Variants in ARHGEF10L observed in about 807,000 individuals in gnomAD.
ARHGEF10L encodes Rho guanine nucleotide exchange factor 10 like, also known as rho guanine nucleotide exchange factor 10-like protein.
A neutral mutation model predicts 141.2 loss-of-function variants in ARHGEF10L; 69 were observed. The ratio of observed to expected loss-of-function variants is 0.49; its 90% CI spans 0.40 to 0.60. The LOEUF (loss-of-function observed/expected upper bound fraction) is 0.60, where lower values mean the gene tolerates loss of function less well. Ranked by LOEUF, ARHGEF10L falls within the 20% of genes least tolerant of loss-of-function variation. The pLI, the probability that ARHGEF10L is intolerant of heterozygous loss-of-function variation, is 0.00. For missense variants in ARHGEF10L, 1,482 were observed against 1,734.3 expected, an observed-to-expected ratio of 0.85 and a Z score of 2.58; for synonymous variants, 711 against 718.5, an observed-to-expected ratio of 0.99 and a Z score of 0.17.
intron 18 of ARHGEF10L, among the ~76,000 whole-genome samples, chr1:17,635,232 C>G (rs543323250): frequency 7.9e-5 from 12 of 152,296 alleles, no homozygotes; most frequent in African/African-American, 2.9e-4. Context: ...ATCTCCCAAT[C>G]CACACACTTT....
rs971818189 is a variant in ARHGEF10L, at chr1:17,608,507, C to T, written c.609+530C>T. Among the ~76,000 whole-genome samples, 8 of 152,236 alleles carry T rather than the reference C, an allele frequency of 5.3e-5. 1 individual carries two copies. The South Asian group carries it at 6.2e-4, about 12-fold the overall frequency. On this transcript the variant is annotated intron_variant, in intron 7 of 28. Coordinates refer to ENST00000361221, the MANE Select transcript of ARHGEF10L (RefSeq NM_018125.4). ...GAAGCCTTCTCTCCAGGGCCTCACA[C>T]GGTGCCATCCATGCATTCAGCTTTC...
intron 27 of ARHGEF10L, among the ~76,000 whole-genome samples, chr1:17,690,514 C>T (rs1465464984): frequency 6.6e-6 from 1 of 152,254 alleles, no homozygotes; most frequent in African/African-American, 2.4e-5. Flanking sequence ...CTCCTAAGAC[C>T]CTCCAGGTCA....
Position 17,627,572 on chromosome 1 carries a change from G to A in ARHGEF10L, c.1584+69G>A. ...CACCTGTGCTCCTGCCCGTGCCCCTGCCCCACGCCACCCACACTAGGTGGC... is the reference window on the plus strand; with the variant it reads ...CACCTGTGCTCCTGCCCGTGCCCCTACCCCACGCCACCCACACTAGGTGGC... On this transcript the variant is annotated intron_variant, in intron 15 of 28. Transcript: ENST00000361221. This position sits in a 1 kb window ranked among gnomAD's most constrained non-coding sequence, Gnocchi z 4.0. 3.9e-6 allele frequency: 6 copies of A among 1,542,512 alleles called. No individual in the cohort carries two copies. Among genetic ancestry groups the A allele is most frequent in the Non-Finnish European group, 5.3e-6 (6 of 1,140,076 alleles).
chr1:17,519,159 G>C, the ARHGEF10L span, among the ~76,000 whole-genome samples: 1 of 151,592 alleles, frequency 6.6e-6, no homozygotes, highest in African/African-American at 2.4e-5. Context: ...TGGGCAACAA[G>C]AGTGAAACTC....
intron 21 of ARHGEF10L, among the ~76,000 whole-genome samples, chr1:17,646,256 A>G (rs2061592898): frequency 6.6e-6 from 1 of 152,196 alleles, no homozygotes; most frequent in South Asian, 2.1e-4. Context: ...TCTCTCGGGC[A>G]GTGACGGCAT....
chr1:17,669,277 A>T (rs1015371961), intron 26 of ARHGEF10L, among the ~76,000 whole-genome samples: 2 of 152,190 alleles, frequency 1.3e-5, no homozygotes, highest in African/African-American at 4.8e-5. Flanking sequence ...GTGAAAACAC[A>T]GGGGCTTAAT....
intron 18 of ARHGEF10L, among the ~76,000 whole-genome samples, chr1:17,636,547 G>T (rs1360334798): frequency 6.6e-6 from 1 of 152,144 alleles, no homozygotes; most frequent in Non-Finnish European, 1.5e-5. Context: ...AGGTTCCTCT[G>T]CGCTTTCGTG....
Position 17,619,261 on chromosome 1 carries a change from G to T in ARHGEF10L, c.836-78G>T. On this transcript the variant is annotated intron_variant, in intron 9 of 28. Transcript: ENST00000361221. This position sits in a 1 kb window ranked among gnomAD's most constrained non-coding sequence, Gnocchi z 5.0. ...ACCTGGGTCCAAGGCTGGTCTAGGGGGGCTCTCAGCTCCTGAGGCCTGAGC... is the reference window on the plus strand; with the variant it reads ...ACCTGGGTCCAAGGCTGGTCTAGGGTGGCTCTCAGCTCCTGAGGCCTGAGC... 1.4e-6 allele frequency: 2 copies of T among 1,415,830 alleles called. No individual in the cohort carries two copies. Among genetic ancestry groups the T allele is most frequent in the Non-Finnish European group, 2.0e-6 (2 of 1,018,456 alleles). 87.7% of individuals were successfully genotyped at this position (1,415,830 alleles called of 1,614,324 possible).
Position 17,544,722 on chromosome 1 carries a change from TTTTTCATACTGCTA to T in ARHGEF10L, c.-44+4788_-44+4801del, listed in dbSNP as rs1224014845. Reference sequence around the variant, plus strand: ...TGTGCGTTGGGGAGTGTATTAGTTCTTTTTCATACTGCTATTTTCATACTGCTATGAAGAAATAC... The same window carrying T: ...TGTGCGTTGGGGAGTGTATTAGTTCTTTTTCATACTGCTATGAAGAAATAC... On this transcript the variant is annotated intron_variant, in intron 1 of 28. Coordinates refer to ENST00000361221, the MANE Select transcript of ARHGEF10L (RefSeq NM_018125.4). 3.9e-5 allele frequency among the ~76,000 whole-genome samples: 6 copies of T among 152,314 alleles called. No individual in the cohort carries two copies. In the East Asian group the frequency reaches 7.7e-4, roughly 20 times the overall value.
chr1:17,597,473 C>T (rs1308044101), intron 4 of ARHGEF10L, among the ~76,000 whole-genome samples: 2 of 152,138 alleles, frequency 1.3e-5, no homozygotes, highest in Non-Finnish European at 2.9e-5. Flanking sequence ...TCATTTCTTG[C>T]CGTGCCCTCT....
rs375888992 is a variant in ARHGEF10L, at chr1:17,623,041, G to A, written c.1066G>A (p.Ala356Thr). The change falls in exon 12 of 29, where the codon GCC (alanine) becomes ACC (threonine). Residue 356 changes from alanine to threonine, a missense_variant. Ala to Thr is a moderately conservative substitution (Grantham distance 58). Coordinates refer to ENST00000361221, the MANE Select transcript of ARHGEF10L (RefSeq NM_018125.4). This position sits in a 1 kb window ranked among gnomAD's most constrained non-coding sequence, Gnocchi z 4.7. The stretch of plus-strand genomic sequence containing the variant: ...GGAGATGGAGCCCAAGGCGCTGAGC[G>A]CCCGCAAGTGCCAGGTGGTGTTCTT... ...LMEMEPKALS[A>T]RKCQVVFFRV... 15 of 1,613,964 alleles carry A rather than the reference G, an allele frequency of 9.3e-6. No individual in the cohort carries two copies. The highest frequency in any genetic ancestry group is 1.3e-5 in the African/African-American group (1 of 74,934).
intron 1 of ARHGEF10L, among the ~76,000 whole-genome samples, chr1:17,575,065 A>G (rs1445116984): frequency 6.6e-6 from 1 of 152,160 alleles, no homozygotes; most frequent in African/African-American, 2.4e-5. Context: ...GGTGGGTCCC[A>G]AGCAGGGGAA....
At chr1:17,528,602 C>T in the ARHGEF10L span, among the ~76,000 whole-genome samples, 1 of 151,980 alleles carries the variant, frequency 6.6e-6, no homozygotes, top group Non-Finnish European at 1.5e-5. Context: ...TTGTCCACCA[C>T]CCATAATTTT....
At position 17,654,659 on chromosome 1, in the gene ARHGEF10L, T is replaced by C; in HGVS notation, c.2418T>C (p.Pro806=). 6.2e-7 allele frequency: 1 copy of C among 1,614,210 alleles called. No homozygotes were observed. The highest frequency in any genetic ancestry group is 1.3e-5 in the African/African-American group (1 of 75,054). Residue 806 remains proline (P), a synonymous_variant, in exon 23 of 29, where the codon CCT becomes CCC. Transcript: ENST00000361221. This position sits in a 1 kb window ranked among gnomAD's most constrained non-coding sequence, Gnocchi z 4.3. The stretch of plus-strand genomic sequence containing the variant: ...AGCTTGGGGCCCTGGTCCACAGTCC[T>C]GTCAACTGTCCCCTGCTGGGTTTCT... ...SLQLGALVHS[P]VNCPLLGFSA...
At chr1:17,660,624 C>T (rs773362519) in intron 25 of ARHGEF10L, among the ~76,000 whole-genome samples, 3 of 152,314 alleles carry the variant, frequency 2.0e-5, no homozygotes, top group Admixed American at 6.5e-5. Context: ...AGCCCAATCT[C>T]GACCCCTGAG....
chr1:17,665,777 C>T (rs1400566948), intron 26 of ARHGEF10L, among the ~76,000 whole-genome samples: 2 of 152,114 alleles, frequency 1.3e-5, no homozygotes, highest in Non-Finnish European at 2.9e-5. Flanking sequence ...TGTATACACA[C>T]GTATATAGAA....
intron 26 of ARHGEF10L, among the ~76,000 whole-genome samples, chr1:17,665,019 C>G (rs1282509364): frequency 6.6e-6 from 1 of 152,176 alleles, no homozygotes; most frequent in African/African-American, 2.4e-5. Flanking sequence ...CTGCCTTGCC[C>G]TGGTTCCAGC....
At chr1:17,563,516 T>A (rs1273456836) in intron 1 of ARHGEF10L, among the ~76,000 whole-genome samples, 1 of 152,210 alleles carries the variant, frequency 6.6e-6, no homozygotes, top group Non-Finnish European at 1.5e-5. Context: ...GTTACAGGCA[T>A]GAGCCACTGT....
At chr1:17,582,140 G>C (rs1012624323) in intron 2 of ARHGEF10L, among the ~76,000 whole-genome samples, 1 of 152,016 alleles carries the variant, frequency 6.6e-6, no homozygotes. Context: ...TGATTGCCGG[G>C]GGGAGGATAG....
Sources: allele counts gnomAD v4.1 joint callset (sites outside exome capture counted in the v4.1 genomes callset), GRCh38; gene constraint gnomAD v4.1.1; non-coding constraint Gnocchi (gnomAD v3.1); transcripts MANE v1.5; gene names NCBI Gene and HGNC (gene_info 2026-07-23, HGNC 2026-07-21).